CDC42SE2: variants seen among roughly 807,000 people sequenced by gnomAD.
CDC42SE2 encodes CDC42 small effector protein 2.
CDC42SE2 carries 3 observed loss-of-function variants against 11.5 expected under a neutral mutation model. That is an observed-to-expected ratio of 0.26 (90% CI 0.12 to 0.67). The LOEUF (loss-of-function observed/expected upper bound fraction) is 0.67, where lower values mean the gene tolerates loss of function less well. Among genes scored for constraint, CDC42SE2 ranks in the 30% least tolerant of loss-of-function variants. The pLI, the probability that CDC42SE2 is intolerant of heterozygous loss-of-function variation, is 0.80. For missense variants in CDC42SE2, 82 were observed against 106.8 expected (o/e 0.77, Z 1.02); for synonymous variants, 33 against 34.8 (o/e 0.95, Z 0.18).
the CDC42SE2 span, among the ~76,000 whole-genome samples, chr5:131,230,283 A>G: frequency 6.6e-6 from 1 of 152,218 alleles, no homozygotes; most frequent in African/African-American, 2.4e-5. Flanking sequence ...CTTGTCTTCA[A>G]AGGAAATTTT....
intron 2 of CDC42SE2, among the ~76,000 whole-genome samples, chr5:131,320,055 A>T (rs866867416): frequency 1.0e-5 from 1 of 100,162 alleles, no homozygotes; most frequent in Non-Finnish European, 1.8e-5. Context: ...CGTCTTAAAG[A>T]AAAAAAAAAA....
intron 4 of CDC42SE2, among the ~76,000 whole-genome samples, chr5:131,388,186 G>T (rs1184543026): frequency 6.6e-6 from 1 of 152,112 alleles, no homozygotes; most frequent in Non-Finnish European, 1.5e-5. Flanking sequence ...AGTAGAGCGG[G>T]GTTTCACCAT....
chr5:131,348,448 CTCT>C (rs1255370333), intron 2 of CDC42SE2, among the ~76,000 whole-genome samples: 2 of 152,072 alleles, frequency 1.3e-5, no homozygotes, highest in Non-Finnish European at 2.9e-5. Flanking sequence ...TGTGAAGGAC[CTCT>C]TCAAGGAGAA....
At chr5:131,360,201 A>G (rs1195780960) in intron 3 of CDC42SE2, among the ~76,000 whole-genome samples, 4 of 152,132 alleles carry the variant, frequency 2.6e-5, no homozygotes, top group African/African-American at 9.7e-5. Context: ...GCTCACTGCA[A>G]CTTCCGCCTC....
At chr5:131,266,504 G>A (rs1286985150) in intron 1 of CDC42SE2, among the ~76,000 whole-genome samples, 1 of 146,594 alleles carries the variant, frequency 6.8e-6, no homozygotes, top group African/African-American at 2.5e-5. Flanking sequence ...CTGTCACCCA[G>A]GCTAGAGTGC....
chr5:131,367,884 G>A (rs892378744), intron 3 of CDC42SE2, among the ~76,000 whole-genome samples: 1 of 152,102 alleles, frequency 6.6e-6, no homozygotes, highest in Non-Finnish European at 1.5e-5. Context: ...AGTTGATTCT[G>A]TGGATTTTTG....
chr5:131,321,970 C>T (rs1029929593), intron 2 of CDC42SE2, among the ~76,000 whole-genome samples: 1 of 152,184 alleles, frequency 6.6e-6, no homozygotes, highest in Non-Finnish European at 1.5e-5. Context: ...CCTACCTCAG[C>T]CTCCCAAGTA....
At chr5:131,218,579 A>G in the CDC42SE2 span, among the ~76,000 whole-genome samples, 1 of 152,136 alleles carries the variant, frequency 6.6e-6, no homozygotes, top group Non-Finnish European at 1.5e-5. Flanking sequence ...AATGTTCACA[A>G]CGTTACTATT....
rs1554066895 is a variant in CDC42SE2 at position 131,392,300 on chromosome 5, A to ATTTGT, written c.*1212_*1216dup. 1.3e-5 allele frequency: 2 copies of ATTTGT among 152,652 alleles called. No homozygotes were observed. Among genetic ancestry groups the ATTTGT allele is most frequent in the African/African-American group, 4.8e-5 (2 of 41,394 alleles). The allele number at this position is 152,652 out of a possible 1,614,324, so 9.5% of individuals were successfully genotyped here. A position where few individuals can be genotyped will look rare whatever the true frequency, so the allele number is the denominator to read the frequency against. ...ACCCACAAGCACAATGATCATTTTT[A>ATTTGT]TTTGTTTGTTTGTTTGAAACTTCAG... On this transcript the variant is annotated 3_prime_UTR_variant, in exon 5 of 5. Transcript: ENST00000505065.
upstream of CDC42SE2, among the ~76,000 whole-genome samples, chr5:131,260,933 TCAAAAACAAAA>T (rs1353267948): frequency 1.3e-5 from 2 of 152,204 alleles, no homozygotes; most frequent in African/African-American, 2.4e-5. Flanking sequence ...AGACTCCATC[TCAAAAACAAAA>T]CAAAAACAAA....
intron 2 of CDC42SE2, among the ~76,000 whole-genome samples, chr5:131,355,397 A>G (rs1749506163): frequency 6.6e-6 from 1 of 152,138 alleles, no homozygotes; most frequent in Middle Eastern, 3.4e-3. Flanking sequence ...GGATCATTTG[A>G]ACCCGAGAGG....
chr5:131,249,014 CTTTT>C (rs35929101), intron 1 of CDC42SE2, among the ~76,000 whole-genome samples: 2 of 116,090 alleles, frequency 1.7e-5, no homozygotes. Context: ...CAGGTTACAT[CTTTT>C]TTTTTTTTTT....
chr5:131,302,503 CG>C (rs1275903610), intron 1 of CDC42SE2, among the ~76,000 whole-genome samples: 1 of 151,742 alleles, frequency 6.6e-6, no homozygotes, highest in Non-Finnish European at 1.5e-5. Flanking sequence ...TTAATAGAGA[CG>C]GGGGTTTCAC....
At chr5:131,382,655 G>A in intron 3 of CDC42SE2, among the ~76,000 whole-genome samples, 1 of 152,168 alleles carries the variant, frequency 6.6e-6, no homozygotes, top group East Asian at 1.9e-4. Flanking sequence ...CATATCAGAA[G>A]CAGTTATCTT....
upstream of CDC42SE2, among the ~76,000 whole-genome samples, chr5:131,260,651 A>G (rs1023983552): frequency 6.9e-6 from 1 of 145,010 alleles, no homozygotes; most frequent in African/African-American, 2.6e-5. Context: ...AAAAATTAAT[A>G]GGCCGAGTGC....
the CDC42SE2 span, among the ~76,000 whole-genome samples, chr5:131,220,220 T>G: frequency 6.6e-6 from 1 of 152,162 alleles, no homozygotes; most frequent in Non-Finnish European, 1.5e-5. Context: ...TGTTTGTTTG[T>G]TTGTTTTTGA....
intron 3 of CDC42SE2, among the ~76,000 whole-genome samples, chr5:131,377,944 T>TA (rs1347112783): frequency 6.6e-6 from 1 of 152,226 alleles, no homozygotes; most frequent in Non-Finnish European, 1.5e-5. Flanking sequence ...ATTGTTTCTT[T>TA]AAAAAAGCCT....
chr5:131,345,570 ACT>A (rs1196935834), intron 2 of CDC42SE2, among the ~76,000 whole-genome samples: 1 of 152,152 alleles, frequency 6.6e-6, no homozygotes, highest in Non-Finnish European at 1.5e-5. Flanking sequence ...GCTGGAAAAC[ACT>A]CTGCAGGGTA....
At chr5:131,226,711 C>A in the CDC42SE2 span, among the ~76,000 whole-genome samples, 1 of 152,316 alleles carries the variant, frequency 6.6e-6, no homozygotes, top group Admixed American at 6.5e-5. Flanking sequence ...GGCTTCACAG[C>A]AAGTTCAGTA....
Sources: allele counts gnomAD v4.1 joint callset (sites outside exome capture counted in the v4.1 genomes callset), GRCh38; gene constraint gnomAD v4.1.1; transcripts MANE v1.5; gene names NCBI Gene and HGNC (gene_info 2026-07-23, HGNC 2026-07-21).